Variants in SFMBT1 observed in about 807,000 individuals in gnomAD.
The protein encoded by SFMBT1 is scm-like with four MBT domains protein 1.
In SFMBT1, 32 loss-of-function variants were observed where a neutral mutation model predicts 108.7. The ratio of observed to expected loss-of-function variants is 0.29; its 90% CI spans 0.22 to 0.40. SFMBT1 has a LOEUF of 0.40. SFMBT1 is among the 10% of genes least tolerant of loss of function. The pLI is 1.00. For synonymous variants in SFMBT1, 348 were observed against 369.5 expected (o/e 0.94, Z 0.67); for missense variants, 816 against 1,059.6 (o/e 0.77, Z 3.19).
chr3:53,003,772 A>AGAAAG (rs1553642494), intron 1 of SFMBT1, among the ~76,000 whole-genome samples: 1 of 142,990 alleles, frequency 7.0e-6, no homozygotes, highest in Non-Finnish European at 1.5e-5. Flanking sequence ...AAAAAAAAAA[A>AGAAAG]AAAGAAAAGA....
At chr3:53,015,438 C>T (rs966982952) in intron 1 of SFMBT1, among the ~76,000 whole-genome samples, 2 of 152,102 alleles carry the variant, frequency 1.3e-5, no homozygotes, top group African/African-American at 4.8e-5. Context: ...TAGGTATATA[C>T]CCAAGAGAAA....
Position 53,027,796 on chromosome 3 carries a change from G to T in SFMBT1, c.-131+18020C>A, listed in dbSNP as rs150843268. 2.1e-4 allele frequency among the ~76,000 whole-genome samples: 32 copies of T among 152,200 alleles called. 1 individual carries two copies. The highest frequency in any genetic ancestry group is 6.8e-4 in the African/African-American group (28 of 41,458). On this transcript the variant is annotated intron_variant, in intron 1 of 20. Transcript: ENST00000394752. ...GAAATTTGCTTCCTCTTAAAATCCT[G>T]TGAAATTAAAACATGCCTTTAAGCC...
intron 17 of SFMBT1, 80 bp from the exon 18 acceptor site, chr3:52,907,813 T>C (rs1702110275): frequency 7.5e-7 from 1 of 1,330,250 alleles, no homozygotes; most frequent in Non-Finnish European, 1.0e-6. Context: ...TTTATTAGCA[T>C]AGCAAAAAAC....
chr3:52,998,967 G>A (rs911042092), intron 1 of SFMBT1, among the ~76,000 whole-genome samples: 13 of 150,854 alleles, frequency 8.6e-5, no homozygotes, highest in African/African-American at 2.9e-4. Flanking sequence ...CATTCAGCTG[G>A]TGCGCGAGCT....
chr3:52,977,771 C>T (rs1431740356), intron 1 of SFMBT1, among the ~76,000 whole-genome samples: 1 of 152,074 alleles, frequency 6.6e-6, no homozygotes, highest in Non-Finnish European at 1.5e-5. Context: ...ATACCTTTAA[C>T]GTGGTCAGGA....
rs117470208 is a variant in SFMBT1 at position 53,032,213 on chromosome 3, T to C, written c.-131+13603A>G. Among the ~76,000 whole-genome samples the C allele has an allele frequency of 3.2e-4, 48 of 152,126 alleles. No homozygotes were observed. In the East Asian group the frequency reaches 5.0e-3, roughly 16 times the overall value. On this transcript the variant is annotated intron_variant, in intron 1 of 20. Transcript: ENST00000394752. ...GGCAAAACCCTATCTCTACTAAAAA[T>C]ATAAAAGGTAGCTGAGCATGGTGGT...
intron 1 of SFMBT1, among the ~76,000 whole-genome samples, chr3:53,032,347 G>A (rs924292710): frequency 6.6e-6 from 1 of 152,228 alleles, no homozygotes; most frequent in South Asian, 2.1e-4. Flanking sequence ...TCCAGCCTGG[G>A]TGACAGAGCG....
chr3:52,949,941 T>C (rs1056201094), intron 3 of SFMBT1, among the ~76,000 whole-genome samples: 1 of 152,198 alleles, frequency 6.6e-6, no homozygotes, highest in Admixed American at 6.5e-5. Flanking sequence ...AGTGTTAGCA[T>C]GGTATATCTT....
chr3:53,043,071 C>G (rs768946821), intron 1 of SFMBT1: 2 of 152,232 alleles, frequency 1.3e-5, no homozygotes, highest in Non-Finnish European at 2.9e-5. Flanking sequence ...TTTTATCACA[C>G]AGATATCTTT....
At chr3:53,034,254 A>G (rs1262457312) in intron 1 of SFMBT1, among the ~76,000 whole-genome samples, 1 of 152,186 alleles carries the variant, frequency 6.6e-6, no homozygotes, top group Non-Finnish European at 1.5e-5. Flanking sequence ...ACTTTATAAA[A>G]TTTAAGTTAA....
chr3:52,976,980 C>G (rs1704540663), intron 1 of SFMBT1, among the ~76,000 whole-genome samples: 1 of 152,152 alleles, frequency 6.6e-6, no homozygotes, highest in Non-Finnish European at 1.5e-5. Context: ...ATGGATATAG[C>G]CCTTTTAGAC....
intron 17 of SFMBT1, among the ~76,000 whole-genome samples, chr3:52,908,424 TTA>T (rs1157498707): frequency 1.3e-5 from 2 of 152,162 alleles, no homozygotes; most frequent in African/African-American, 4.8e-5. Flanking sequence ...GTGTGTTTTA[TTA>T]TATGTTTCTT....
At chr3:53,025,602 T>G (rs1419167610) in intron 1 of SFMBT1, among the ~76,000 whole-genome samples, 1 of 151,914 alleles carries the variant, frequency 6.6e-6, no homozygotes, top group Non-Finnish European at 1.5e-5. Flanking sequence ...GGTGACAGAG[T>G]GAACCCCGTC....
chr3:52,906,069 T>C, intron 20 of SFMBT1, 44 bp downstream of exon 20: 1 of 1,601,034 alleles, frequency 6.2e-7, no homozygotes, highest in Non-Finnish European at 8.5e-7. Context: ...CCATAATTTA[T>C]TGCTAAAGAG....
intron 1 of SFMBT1, 72 bp from the exon 2 acceptor site, chr3:52,969,330 C>T: frequency 1.4e-6 from 2 of 1,393,908 alleles, no homozygotes; most frequent in South Asian, 3.1e-5. Flanking sequence ...AAACAGGGCA[C>T]TCGACTGGTT....
At chr3:53,034,638 T>A (rs1236406012) in intron 1 of SFMBT1, among the ~76,000 whole-genome samples, 1 of 151,642 alleles carries the variant, frequency 6.6e-6, no homozygotes, top group Non-Finnish European at 1.5e-5. Flanking sequence ...TAAAAACATA[T>A]TAAAAGAATA....
At chr3:53,006,076 G>A (rs1442245503) in intron 1 of SFMBT1, among the ~76,000 whole-genome samples, 1 of 152,202 alleles carries the variant, frequency 6.6e-6, no homozygotes, top group Non-Finnish European at 1.5e-5. Context: ...TGAAGAAGTT[G>A]ATTAGCCCAT....
At chr3:53,006,156 T>C (rs73839646) in intron 1 of SFMBT1, among the ~76,000 whole-genome samples, 2,787 of 152,280 alleles carry the variant, frequency 0.018, 89 homozygotes, top group African/African-American at 0.064. Context: ...AGGTTGGAGT[T>C]AGCCTGGAGG....
At position 52,999,391 on chromosome 3, in the gene SFMBT1, C is replaced by T. The variant is rs1559543712; in HGVS notation, c.-130-30133G>A. ...GGGAGGAGCCACCCACGCGCCACAG[C>T]AAGTCCTGGACCTGGCCCTGCATTC... On this transcript the variant is annotated intron_variant, in intron 1 of 20. Transcript: ENST00000394752. Among the ~76,000 whole-genome samples the T allele has an allele frequency of 2.7e-5, 4 of 150,506 alleles. 1 individual carries two copies. The highest frequency in any genetic ancestry group is 2.0e-4 in the Admixed American group (3 of 14,968).
Sources: allele counts gnomAD v4.1 joint callset (sites outside exome capture counted in the v4.1 genomes callset), GRCh38; gene constraint gnomAD v4.1.1; transcripts MANE v1.5; gene names NCBI Gene and HGNC (gene_info 2026-07-23, HGNC 2026-07-21).